HID1: variants seen among roughly 807,000 people sequenced by gnomAD.
HID1 encodes protein HID1.
Under a neutral mutation model 89.7 loss-of-function variants are expected in HID1, and 42 were observed. The ratio of observed to expected loss-of-function variants is 0.47; its 90% CI spans 0.37 to 0.61. The LOEUF is 0.61. HID1 is among the 20% of genes least tolerant of loss of function. The pLI is 0.00. For synonymous variants in HID1, 442 were observed against 433.8 expected (o/e 1.02, Z -0.24); for missense variants, 854 against 1,039.3 (o/e 0.82, Z 2.45).
At chr17:74,955,646 T>C (rs2039377749) in intron 13 of HID1, 146 bp downstream of exon 13, 3 of 694,074 alleles carry the variant, frequency 4.3e-6, no homozygotes, top group Non-Finnish European at 2.4e-6. Flanking sequence ...AGATGCTCAA[T>C]AAATGTACAC....
intron 18 of HID1, 67 bp from the exon 19 acceptor site, chr17:74,951,700 G>T: frequency 6.6e-7 from 1 of 1,519,382 alleles, no homozygotes; most frequent in Non-Finnish European, 9.0e-7. Flanking sequence ...AGGAGGAGCT[G>T]GGCAGCAGGA....
At chr17:74,964,708 G>C in intron 1 of HID1, 76 bp from the exon 2 acceptor site, 2 of 1,437,744 alleles carry the variant, frequency 1.4e-6, no homozygotes, top group Non-Finnish European at 1.9e-6. Context: ...TTGTGGCCAG[G>C]AGAGACCCTG....
At chr17:74,954,393 A>AG in intron 13 of HID1, 28 bp from the exon 14 acceptor site, 1 of 1,551,200 alleles carries the variant, frequency 6.4e-7, no homozygotes, top group Non-Finnish European at 8.7e-7. Flanking sequence ...GCCTCGCCTC[A>AG]GGGAGGCCCC....
At chr17:74,965,245 C>A (rs976526561) in intron 1 of HID1, among the ~76,000 whole-genome samples, 1 of 152,240 alleles carries the variant, frequency 6.6e-6, no homozygotes, top group African/African-American at 2.4e-5. Flanking sequence ...TTCAAATCCA[C>A]CTCTTTCAAC....
chr17:74,959,813 T>C lies in HID1; in HGVS notation c.1008+68A>G. ...TGGTTCCTTCATGGAGGGGTCAGGATCCCCCATATCCCTGTCTCACTTGCA... is the reference window on the plus strand; with the variant it reads ...TGGTTCCTTCATGGAGGGGTCAGGACCCCCCATATCCCTGTCTCACTTGCA... On this transcript the variant is annotated intron_variant, in intron 8 of 18. Transcript: ENST00000425042. This position sits in a 1 kb window ranked among gnomAD's most constrained non-coding sequence, Gnocchi z 4.6. 6.6e-7 allele frequency: 1 copy of C among 1,515,182 alleles called. No individual in the cohort carries two copies. Among genetic ancestry groups the C allele is most frequent in the Non-Finnish European group, 9.2e-7 (1 of 1,092,780 alleles). The allele number at this position is 1,515,182 out of a possible 1,614,324, so 93.9% of individuals were successfully genotyped here. A position where few individuals can be genotyped will look rare whatever the true frequency, so the allele number is the denominator to read the frequency against.
chr17:74,956,861 G>A (rs1184973750), intron 12 of HID1, among the ~76,000 whole-genome samples: 1 of 152,226 alleles, frequency 6.6e-6, no homozygotes, highest in Non-Finnish European at 1.5e-5. Context: ...TCCTTGCTGG[G>A]TGGGGGTAGG....
chr17:74,963,374 C>T (rs146867034), intron 3 of HID1: 47 of 491,532 alleles, frequency 9.6e-5, no homozygotes, highest in African/African-American at 8.8e-4. Flanking sequence ...TGTGTTGCAT[C>T]CCTCAGCACC....
chr17:74,971,535 C>A (rs1311608924), intron 1 of HID1, among the ~76,000 whole-genome samples: 1 of 152,170 alleles, frequency 6.6e-6, no homozygotes. Flanking sequence ...GCTGTGGGAG[C>A]TGGCTTCCTC....
At chr17:74,966,114 G>A (rs1350208812) in intron 1 of HID1, among the ~76,000 whole-genome samples, 4 of 151,618 alleles carry the variant, frequency 2.6e-5, no homozygotes, top group East Asian at 1.9e-4. Context: ...GTGAAACCCC[G>A]TCTCTACTAA....
chr17:74,954,240 A>G lies in HID1; in HGVS notation c.1762T>C (p.Leu588=). The G allele has an allele frequency of 6.3e-7, 1 of 1,594,188 alleles. No individual in the cohort carries two copies. The highest frequency in any genetic ancestry group is 1.1e-5 in the South Asian group (1 of 87,608). The change falls in exon 14 of 19, where the codon TTG becomes CTG. Residue 588 remains leucine (L), a synonymous_variant. Transcript: ENST00000425042. ...CCCTCCTGGGAGCCGGTGCGAGACA[A>G]GGGCTCAGGTGTCCGCCGGCGCCGC... is the stretch of plus-strand genomic sequence containing the variant. ...LQRRRRTPEP[L]SRTGSQEGTS...
Position 74,972,699 on chromosome 17 carries a change from A to G in HID1, c.-43T>C, listed in dbSNP as rs375625236. On this transcript the variant is annotated 5_prime_UTR_variant, in exon 1 of 19. Coordinates refer to ENST00000425042, the MANE Select transcript of HID1 (RefSeq NM_030630.3). The surrounding 1 kb of genome is among the most constrained non-coding windows in gnomAD (Gnocchi z 6.4). ...CGGCCCGGCCCCCGCCCAGACTCCA[A>G]CCCGGCTCCGGCTTCAGCTCCGGCT... 4.8e-6 allele frequency: 7 copies of G among 1,472,016 alleles called. No homozygotes were observed. The Admixed American group carries it at 6.6e-5, about 14-fold the overall frequency. The allele number at this position is 1,472,016 out of a possible 1,614,324, so 91.2% of individuals were successfully genotyped here. A position where few individuals can be genotyped will look rare whatever the true frequency, so the allele number is the denominator to read the frequency against.
rs536832610 is a variant in HID1, at chr17:74,955,492, C to T, written c.1636+300G>A. ...CTCCAGCCTGGGCGACAGAGTGAGA[C>T]GCCGTCGGGAAAAAAAAAAAAATTT... On this transcript the variant is annotated intron_variant, in intron 13 of 18. Transcript: ENST00000425042. 7.6e-5 allele frequency among the ~76,000 whole-genome samples: 7 copies of T among 92,370 alleles called. No homozygotes were observed. The South Asian group carries it at 2.8e-3, about 37-fold the overall frequency. 60.6% of individuals were successfully genotyped at this position (92,370 alleles called of 152,430 possible). A position where few individuals can be genotyped will look rare whatever the true frequency, so the allele number is the denominator to read the frequency against.
intron 1 of HID1, among the ~76,000 whole-genome samples, chr17:74,965,423 A>C (rs1300119544): frequency 6.6e-6 from 1 of 152,244 alleles, no homozygotes; most frequent in African/African-American, 2.4e-5. Flanking sequence ...ATCTCACAGA[A>C]ACATGCCTTA....
chr17:74,953,351 A>T (rs1173513874), intron 15 of HID1, among the ~76,000 whole-genome samples, 194 bp downstream of exon 15: 1 of 152,136 alleles, frequency 6.6e-6, no homozygotes, highest in African/African-American at 2.4e-5. Context: ...CGGAACCAGT[A>T]AACAAGGGAG....
At chr17:74,970,358 G>T (rs1243524606) in intron 1 of HID1, among the ~76,000 whole-genome samples, 1 of 152,210 alleles carries the variant, frequency 6.6e-6, no homozygotes, top group Non-Finnish European at 1.5e-5. Flanking sequence ...TGCTAAGCCT[G>T]CTCTAGAGGA....
Position 74,959,129 on chromosome 17 carries a change from A to C in HID1, c.1009-78T>G. 1 of 1,428,098 alleles carries C rather than the reference A, an allele frequency of 7.0e-7. No individual in the cohort carries two copies. The highest frequency in any genetic ancestry group is 9.2e-7 in the Non-Finnish European group (1 of 1,084,366). 88.5% of individuals were successfully genotyped at this position (1,428,098 alleles called of 1,614,324 possible). On this transcript the variant is annotated intron_variant, in intron 8 of 18. Coordinates refer to ENST00000425042, the MANE Select transcript of HID1 (RefSeq NM_030630.3). The surrounding 1 kb of genome is among the most constrained non-coding windows in gnomAD (Gnocchi z 4.6). ...AGTTTCCCAGCCCAGGCCCCCAACA[A>C]ATCCCCCCCTCCATCCCCCAGAGCC...
chr17:74,958,784 C>A lies in HID1; in HGVS notation c.1150-21G>T. ...AATTTCTAGGGGTGCGGGGAGGGGC[C>A]AAGTGGGCTGAGTTCAAGGGAGGGG... On this transcript the variant is annotated intron_variant, in intron 9 of 18. Transcript: ENST00000425042. This position sits in a 1 kb window ranked among gnomAD's most constrained non-coding sequence, Gnocchi z 5.2. 2 of 1,610,840 alleles carry A rather than the reference C, an allele frequency of 1.2e-6. No homozygotes were observed. The highest frequency in any genetic ancestry group is 1.7e-6 in the Non-Finnish European group (2 of 1,177,944).
intron 17 of HID1, 44 bp downstream of exon 17, chr17:74,952,225 C>T (rs1326530974): frequency 6.3e-7 from 1 of 1,578,042 alleles, no homozygotes; most frequent in African/African-American, 1.3e-5. Flanking sequence ...GCCCACAACC[C>T]CGGCCCCGCC....
Position 74,959,159 on chromosome 17 carries a change from C to T in HID1, c.1009-108G>A. On this transcript the variant is annotated intron_variant, in intron 8 of 18. Transcript: ENST00000425042. The surrounding 1 kb of genome is among the most constrained non-coding windows in gnomAD (Gnocchi z 4.6). Reference sequence around the variant, plus strand: ...CCCCCTCCATCCCCCAGAGCCAGATCCCACCTCCAGAGCCAGAGGGCCCAG... The same window carrying T: ...CCCCCTCCATCCCCCAGAGCCAGATTCCACCTCCAGAGCCAGAGGGCCCAG... The T allele has an allele frequency of 7.7e-7, 1 of 1,306,206 alleles. No individual in the cohort carries two copies. The highest frequency in any genetic ancestry group is 2.5e-5 in the East Asian group (1 of 39,602). The allele number at this position is 1,306,206 out of a possible 1,614,324, so 80.9% of individuals were successfully genotyped here.
Sources: gnomAD v4.1 joint callset for allele counts (sites outside exome capture counted in the v4.1 genomes callset) on GRCh38, gnomAD v4.1.1 for gene constraint, Gnocchi (gnomAD v3.1) non-coding constraint, MANE v1.5 for transcripts, NCBI Gene and HGNC (gene_info 2026-07-23, HGNC 2026-07-21) for gene names.